Variants in ARHGEF38 observed in about 807,000 individuals in gnomAD.
ARHGEF38 encodes the protein Rho guanine nucleotide exchange factor (GEF) 38.
ARHGEF38 carries 79 observed loss-of-function variants against 79.9 expected under a neutral mutation model. The observed-to-expected ratio is 0.99, with a 90% CI of 0.82 to 1.19. ARHGEF38 has a LOEUF of 1.19. ARHGEF38 is among the 50% of genes most tolerant of loss of function. The probability of loss-of-function intolerance (pLI) is 0.00; values close to 1 mark genes in which losing one functional copy is unlikely to be tolerated. For missense variants in ARHGEF38, 962 were observed against 907.2 expected (o/e 1.06, Z -0.78); for synonymous variants, 366 against 328.3 (o/e 1.11, Z -1.24).
chr4:105,561,030 T>C (rs2110396453), intron 1 of ARHGEF38, among the ~76,000 whole-genome samples: 1 of 152,266 alleles, frequency 6.6e-6, no homozygotes. Flanking sequence ...TGCTAGGAGC[T>C]TAGGGTCAAA....
chr4:105,630,965 T>C lies in ARHGEF38; in HGVS notation c.576T>C (p.Asp192=), dbSNP rs1176686606. The change falls in exon 4 of 14, where the codon GAT becomes GAC. Residue 192 remains aspartate (D), a synonymous_variant. Coordinates refer to ENST00000420470, the MANE Select transcript of ARHGEF38 (RefSeq NM_001242729.2). ...DIYKIYCYHH[D]EAHSILESYE... ...ATAAAATCTACTGCTATCACCATGA[T>C]GAAGCACATAGTATACTGGAGTCCT... 4 of 1,613,678 alleles carry C rather than the reference T, an allele frequency of 2.5e-6. No homozygotes were observed. In the Admixed American group the frequency reaches 6.7e-5, roughly 27 times the overall value.
chr4:105,650,629 G>A (rs1730061445), intron 7 of ARHGEF38, among the ~76,000 whole-genome samples: 1 of 152,222 alleles, frequency 6.6e-6, no homozygotes, highest in Non-Finnish European at 1.5e-5. Flanking sequence ...CTAGCCCTGT[G>A]TGGCATGTGG....
intron 13 of ARHGEF38, among the ~76,000 whole-genome samples, chr4:105,668,906 A>G (rs1294369400): frequency 6.6e-6 from 1 of 152,026 alleles, no homozygotes; most frequent in Non-Finnish European, 1.5e-5. Context: ...ATTAGCCAAG[A>G]GTGGTTGCCC....
At chr4:105,637,560 G>C (rs1455718051) in intron 5 of ARHGEF38, among the ~76,000 whole-genome samples, 1 of 152,104 alleles carries the variant, frequency 6.6e-6, no homozygotes, top group African/African-American at 2.4e-5. Context: ...GATAGTTGAT[G>C]GGGGCTGGGA....
rs536684763 is a variant in ARHGEF38, at chr4:105,610,427, ACTGT to A, written c.385-2954_385-2951del. On this transcript the variant is annotated intron_variant, in intron 2 of 13. Transcript: ENST00000420470. ...TTGACTTAGAATAGTGTGTACTCAGACTGTCTTTTTTTAAAAAAATGAATTTTAA... is the reference window on the plus strand; with the variant it reads ...TTGACTTAGAATAGTGTGTACTCAGACTTTTTTTAAAAAAATGAATTTTAA... Among the ~76,000 whole-genome samples, 240 of 152,172 alleles carry A rather than the reference ACTGT, an allele frequency of 1.6e-3. 2 individuals carry two copies. The highest frequency in any genetic ancestry group is 2.5e-3 in the Non-Finnish European group (171 of 67,976).
intron 2 of ARHGEF38, among the ~76,000 whole-genome samples, chr4:105,590,074 A>AGAAGGAAGGAAG (rs70941203): frequency 0.013 from 1,425 of 109,528 alleles, 12 homozygotes; most frequent in African/African-American, 0.019. Context: ...AAAGAAAGAA[A>AGAAGGAAGGAAG]GAAGGAAGGA....
intron 1 of ARHGEF38, among the ~76,000 whole-genome samples, chr4:105,567,492 A>T (rs932314367): frequency 3.9e-5 from 6 of 152,232 alleles, no homozygotes; most frequent in Non-Finnish European, 8.8e-5. Context: ...AAAGAAGTAC[A>T]ACTGACATAA....
rs866152213 is a variant in ARHGEF38 at position 105,605,333 on chromosome 4, G to A, written c.385-8051G>A. ...AGGGCTGTTGGACTTCTTAACTCAG[G>A]GACTTCTCGAGTTTGAACCCAGCCT... is the stretch of plus-strand genomic sequence containing the variant. On this transcript the variant is annotated intron_variant, in intron 2 of 13. Coordinates refer to ENST00000420470, the MANE Select transcript of ARHGEF38 (RefSeq NM_001242729.2). 4.6e-5 allele frequency among the ~76,000 whole-genome samples: 7 copies of A among 151,826 alleles called. 1 individual carries two copies. The South Asian group carries it at 1.3e-3, about 27-fold the overall frequency.
chr4:105,672,247 T>A (rs1730980293), intron 13 of ARHGEF38, among the ~76,000 whole-genome samples: 1 of 152,206 alleles, frequency 6.6e-6, no homozygotes, highest in African/African-American at 2.4e-5. Flanking sequence ...TCTACCTTTT[T>A]AAACAGACTT....
At position 105,677,824 on chromosome 4, in the gene ARHGEF38, C is replaced by G. The variant is rs1336896093; in HGVS notation, c.2221C>G (p.His741Asp). The G allele has an allele frequency of 2.1e-5, 33 of 1,535,550 alleles. No individual in the cohort carries two copies. The highest frequency in any genetic ancestry group is 2.9e-5 in the Non-Finnish European group (33 of 1,146,368). ...ELSLQEYQRV[H>D]ILRFCDLSGN... ...CAGCCTTCAGGAATACCAGAGAGTT[C>G]ATATACTCAGGTTTTGTGACCTAAG... Residue 741 changes from histidine to aspartate, a missense_variant, in exon 14 of 14, where the codon CAT becomes GAT. Physicochemically the swap from His to Asp is moderately conservative, Grantham distance 81. Transcript: ENST00000420470.
At chr4:105,629,144 A>G (rs1332689392) in intron 3 of ARHGEF38, among the ~76,000 whole-genome samples, 2 of 152,248 alleles carry the variant, frequency 1.3e-5, no homozygotes, top group Admixed American at 1.3e-4. Context: ...TTAAAAAGTC[A>G]TTCTCAAATT....
Position 105,613,442 on chromosome 4 carries a change from C to T in ARHGEF38, c.443C>T (p.Ser148Leu), listed in dbSNP as rs61751053. Reference sequence around the variant, plus strand: ...AACATTGAGTCCGTGCATCAGATATCAGCCAAGCTGCTGTCATTGTTGGAA... The same window carrying T: ...AACATTGAGTCCGTGCATCAGATATTAGCCAAGCTGCTGTCATTGTTGGAA... ...FSNIESVHQI[S>L]AKLLSLLEEA... The change falls in exon 3 of 14, where the codon TCA becomes TTA. Residue 148 changes from serine to leucine, a missense_variant. Physicochemically the swap from Ser to Leu is moderately radical, Grantham distance 145 (BLOSUM62 -2). Coordinates refer to ENST00000420470, the MANE Select transcript of ARHGEF38 (RefSeq NM_001242729.2). The T allele has an allele frequency of 6.4e-4, 1,029 of 1,613,376 alleles. 6 individuals carry two copies. The African/African-American group carries it at 0.012, about 19-fold the overall frequency.
intron 1 of ARHGEF38, among the ~76,000 whole-genome samples, chr4:105,563,700 G>T (rs1044673809): frequency 4.6e-5 from 7 of 152,086 alleles, no homozygotes; most frequent in Admixed American, 4.6e-4. Flanking sequence ...TTTATGGTTT[G>T]CTCTTAAGAA....
intron 2 of ARHGEF38, among the ~76,000 whole-genome samples, chr4:105,604,003 C>A (rs1459611497): frequency 6.6e-6 from 1 of 152,136 alleles, no homozygotes; most frequent in African/African-American, 2.4e-5. Flanking sequence ...TGTTTACTAT[C>A]TTCATGGGAT....
rs557917722 is a variant in ARHGEF38 at position 105,604,795 on chromosome 4, A to G, written c.385-8589A>G. Among the ~76,000 whole-genome samples the G allele has an allele frequency of 6.9e-4, 105 of 152,270 alleles. 1 individual carries two copies. The highest frequency in any genetic ancestry group is 2.4e-3 in the African/African-American group (101 of 41,568). ...CACACAGTGAGTACTCAAGTGATCA[A>G]AGCAAAAAATGTTTACCCCATTCAT... On this transcript the variant is annotated intron_variant, in intron 2 of 13. Transcript: ENST00000420470.
chr4:105,654,886 A>G (rs1730259450), intron 8 of ARHGEF38, among the ~76,000 whole-genome samples: 2 of 152,194 alleles, frequency 1.3e-5, no homozygotes, highest in South Asian at 2.1e-4. Context: ...CCCCTTCTAT[A>G]TTCCAGAAGT....
chr4:105,628,190 A>T (rs1416670331), intron 3 of ARHGEF38, among the ~76,000 whole-genome samples: 2 of 152,124 alleles, frequency 1.3e-5, no homozygotes, highest in African/African-American at 2.4e-5. Flanking sequence ...TTCTAATTTG[A>T]TCACCTTGTG....
intron 2 of ARHGEF38, among the ~76,000 whole-genome samples, chr4:105,608,483 T>G (rs1345356304): frequency 6.6e-6 from 1 of 151,966 alleles, no homozygotes. Context: ...ATGTAATATT[T>G]TGATACAAAT....
At chr4:105,667,782 C>T in intron 13 of ARHGEF38, 79 bp downstream of exon 13, 1 of 1,467,808 alleles carries the variant, frequency 6.8e-7, no homozygotes, top group East Asian at 2.5e-5. Flanking sequence ...AATACTGTAA[C>T]ACTTGGTGGA....
Sources: gnomAD v4.1 joint callset for allele counts (sites outside exome capture counted in the v4.1 genomes callset) on GRCh38, gnomAD v4.1.1 for gene constraint, MANE v1.5 for transcripts, NCBI Gene and HGNC (gene_info 2026-07-23, HGNC 2026-07-21) for gene names.